TRIM34: variants seen among roughly 807,000 people sequenced by gnomAD.
TRIM34 encodes E3 ubiquitin-protein ligase TRIM34.
TRIM34 carries 41 observed loss-of-function variants against 38.1 expected under a neutral mutation model. The ratio of observed to expected loss-of-function variants is 1.08; its 90% confidence interval spans 0.84 to 1.40. The LOEUF is 1.40. Ranked by LOEUF, TRIM34 falls within the 40% of genes most tolerant of loss-of-function variation. The pLI is 0.00. For synonymous variants in TRIM34, 200 were observed against 202.5 expected, an observed-to-expected ratio of 0.99 and a Z score of 0.10; for missense variants, 556 against 571.4, an observed-to-expected ratio of 0.97 and a Z score of 0.27.
chr11:5,641,569 G>A (rs751849733), intron 5 of TRIM34, among the ~76,000 whole-genome samples: 2 of 152,118 alleles, frequency 1.3e-5, no homozygotes, highest in Non-Finnish European at 2.9e-5. Flanking sequence ...CTAAAATAGG[G>A]CATGGAGACA....
chr11:5,642,300 A>G, intron 5 of TRIM34, 106 bp from the exon 6 acceptor site: 4 of 962,780 alleles, frequency 4.2e-6, no homozygotes, highest in Non-Finnish European at 6.2e-6. Context: ...GCTCAGGGAG[A>G]AGGGTTCAAG....
chr11:5,642,641 A>G, intron 6 of TRIM34, 135 bp downstream of exon 6: 1 of 1,387,736 alleles, frequency 7.2e-7, no homozygotes, highest in Non-Finnish European at 9.7e-7. Context: ...TTCTGTGGTG[A>G]AGAGGATGCA....
Position 5,627,871 on chromosome 11 carries a change from G to A in TRIM34, c.-78+2811G>A, listed in dbSNP as rs79634277. Among the ~76,000 whole-genome samples, 1,037 of 152,302 alleles carry A rather than the reference G, an allele frequency of 6.8e-3. 12 individuals are homozygous for A. The highest frequency in any genetic ancestry group is 9.5e-3 in the Non-Finnish European group (644 of 68,028). ...TCCTCCCCTAAAAGTCACTCGTAGA[G>A]ACACTCTAATTTTACTATCTACCTG... On this transcript the variant is annotated intron_variant, in intron 1 of 7. Coordinates refer to ENST00000429814, the MANE Select transcript of TRIM34 (RefSeq NM_021616.6).
chr11:5,635,286 C>G (rs562162230), intron 4 of TRIM34, among the ~76,000 whole-genome samples: 14 of 146,008 alleles, frequency 9.6e-5, no homozygotes, highest in African/African-American at 3.3e-4. Flanking sequence ...GACGGAGTCT[C>G]GCTCTGTCTC....
intron 1 of TRIM34, among the ~76,000 whole-genome samples, chr11:5,625,864 A>G (rs1012789714): frequency 6.6e-6 from 1 of 152,134 alleles, no homozygotes; most frequent in Non-Finnish European, 1.5e-5. Flanking sequence ...TGTAACCTCA[A>G]TTTGTTATTG....
intron 2 of TRIM34, 130 bp downstream of exon 2, chr11:5,632,884 T>C (rs1204172052): frequency 1.6e-6 from 2 of 1,270,450 alleles, no homozygotes; most frequent in Non-Finnish European, 2.0e-6. Context: ...TGGAGTGCAG[T>C]GGCGTGCTCT....
In TRIM34 at chr11:5,643,557, T is replaced by A. The variant is rs183193832; in HGVS notation, c.1315T>A (p.Tyr439Asn). The A allele has an allele frequency of 1.2e-6, 2 of 1,614,232 alleles. No individual in the cohort carries two copies. Among genetic ancestry groups the A allele is most frequent in the East Asian group, 4.5e-5 (2 of 44,888 alleles). Residue 439 changes from tyrosine (Y) to asparagine (N), a missense_variant, in exon 8 of 8, where the codon TAT (tyrosine) becomes AAT (asparagine). Transcript: ENST00000429814. ...PPCRVGVFLD[Y>N]EAGIVSFFNV... ...CTGCCGTGTTGGGGTTTTCCTCGACTATGAAGCAGGCATTGTCTCATTTTT... is the reference window on the plus strand; with the variant it reads ...CTGCCGTGTTGGGGTTTTCCTCGACAATGAAGCAGGCATTGTCTCATTTTT...
rs946644099 is a variant in TRIM34 at position 5,640,049 on chromosome 11, G to A, written c.751-1118G>A. Among the ~76,000 whole-genome samples, 5 of 152,198 alleles carry A rather than the reference G, an allele frequency of 3.3e-5. No homozygotes were observed. The East Asian group carries it at 7.7e-4, about 23-fold the overall frequency. On this transcript the variant is annotated intron_variant, in intron 4 of 7. Transcript: ENST00000429814. ...AATTATTGTTGACTATAGTCACACT[G>A]TTGTGGTATCAAATACTAAATCTTA...
intron 1 of TRIM34, among the ~76,000 whole-genome samples, chr11:5,630,642 C>T (rs186670594): frequency 1.8e-4 from 27 of 152,298 alleles, no homozygotes; most frequent in Non-Finnish European, 3.5e-4. Context: ...GTATTCCTTT[C>T]TCATTATTCA....
At chr11:5,630,661 T>G (rs12226121) in intron 1 of TRIM34, among the ~76,000 whole-genome samples, 10,276 of 152,294 alleles carry the variant, frequency 0.067, 592 homozygotes, top group East Asian at 0.18. Flanking sequence ...CAGCTTTCAT[T>G]AAACTCTTAC....
At chr11:5,632,187 A>G (rs4287358) in intron 1 of TRIM34, 68 bp from the exon 2 acceptor site, 1,514,861 of 1,514,930 alleles carry the variant, frequency 1, 757,397 homozygotes, top group Middle Eastern at 1. Flanking sequence ...GCCAGTCTTT[A>G]TTGTCTGTGC....
chr11:5,637,954 A>G (rs923974687), intron 4 of TRIM34, among the ~76,000 whole-genome samples: 11 of 152,214 alleles, frequency 7.2e-5, no homozygotes, highest in African/African-American at 2.7e-4. Context: ...TTTTCTGGTA[A>G]TAACACCTGG....
At chr11:5,633,724 T>C (rs1037366136) in intron 2 of TRIM34, 80 bp from the exon 3 acceptor site, 1 of 1,423,752 alleles carries the variant, frequency 7.0e-7, no homozygotes, top group Non-Finnish European at 9.4e-7. Flanking sequence ...TGGGATCAAC[T>C]TGATTTTTTC....
upstream of TRIM34, among the ~76,000 whole-genome samples, chr11:5,623,847 T>A (rs930561625): frequency 6.6e-6 from 1 of 152,200 alleles, no homozygotes; most frequent in Admixed American, 6.5e-5. Flanking sequence ...TTGATCACCA[T>A]GCATGAGTCA....
upstream of TRIM34, among the ~76,000 whole-genome samples, chr11:5,623,155 G>C (rs926656366): frequency 6.8e-5 from 9 of 131,934 alleles, no homozygotes; most frequent in Non-Finnish European, 1.4e-4. Flanking sequence ...TTTTGGAATA[G>C]AATGGGAGCC....
chr11:5,640,042 T>A (rs1849938698), intron 4 of TRIM34, among the ~76,000 whole-genome samples: 1 of 152,244 alleles, frequency 6.6e-6, no homozygotes, highest in Non-Finnish European at 1.5e-5. Context: ...TTGACTATAG[T>A]CACACTGTTG....
intron 4 of TRIM34, among the ~76,000 whole-genome samples, chr11:5,637,811 T>A (rs1849811200): frequency 6.6e-6 from 1 of 152,236 alleles, no homozygotes; most frequent in Admixed American, 6.5e-5. Context: ...ACTTTGCCTA[T>A]TCTAAGTACC....
At chr11:5,635,515 C>G (rs1413065398) in intron 4 of TRIM34, among the ~76,000 whole-genome samples, 1 of 152,126 alleles carries the variant, frequency 6.6e-6, no homozygotes, top group East Asian at 1.9e-4. Context: ...CTCGGCCTTC[C>G]AAAATGCTGG....
intron 4 of TRIM34, among the ~76,000 whole-genome samples, chr11:5,638,766 T>C (rs1171655425): frequency 6.6e-6 from 1 of 152,232 alleles, no homozygotes; most frequent in Non-Finnish European, 1.5e-5. Flanking sequence ...TGTAGTATTG[T>C]ACCTGTACAG....
Sources: gnomAD v4.1 joint callset for allele counts (sites outside exome capture counted in the v4.1 genomes callset) on GRCh38, gnomAD v4.1.1 for gene constraint, MANE v1.5 for transcripts, NCBI Gene and HGNC (gene_info 2026-07-23, HGNC 2026-07-21) for gene names.